The following FER variants were observed in gnomAD, a reference collection of about 807,000 sequenced individuals.
The protein encoded by FER is tyrosine-protein kinase Fer.
Under a neutral mutation model 111.0 loss-of-function variants are expected in FER, and 63 were observed. The ratio of observed to expected loss-of-function variants is 0.57; its 90% CI spans 0.46 to 0.70. The LOEUF is 0.70. Among genes scored for constraint, FER ranks in the 30% least tolerant of loss-of-function variants. FER has a pLI of 0.00. For missense variants in FER, 914 were observed against 954.0 expected, an observed-to-expected ratio of 0.96 and a Z score of 0.55; for synonymous variants, 327 against 313.9, an observed-to-expected ratio of 1.04 and a Z score of -0.44.
At chr5:109,053,155 G>T (rs1773081980) in intron 16 of FER, among the ~76,000 whole-genome samples, 1 of 152,088 alleles carries the variant, frequency 6.6e-6, no homozygotes, top group African/African-American at 2.4e-5. Flanking sequence ...GGAGGCCAGG[G>T]TGGGTGGATC....
At chr5:108,946,575 C>T (rs1320192796) in intron 11 of FER, among the ~76,000 whole-genome samples, 1 of 151,672 alleles carries the variant, frequency 6.6e-6, no homozygotes, top group Admixed American at 6.6e-5. Context: ...GAAACATAAC[C>T]TTTTTACAGT....
At chr5:109,097,276 G>A (rs551506680) in intron 16 of FER, among the ~76,000 whole-genome samples, 1 of 151,924 alleles carries the variant, frequency 6.6e-6, no homozygotes, top group African/African-American at 2.4e-5. Flanking sequence ...TAAGAACATT[G>A]TAAGTATTGT....
chr5:108,766,367 A>G (rs1377642649), intron 1 of FER, among the ~76,000 whole-genome samples: 2 of 152,236 alleles, frequency 1.3e-5, no homozygotes, highest in African/African-American at 2.4e-5. Flanking sequence ...AATTTCATTC[A>G]TTTGGTAGTC....
At chr5:109,055,790 CAAA>C (rs77291685) in intron 16 of FER, among the ~76,000 whole-genome samples, 5 of 72,454 alleles carry the variant, frequency 6.9e-5, no homozygotes, top group Admixed American at 5.2e-4. Context: ...AACCTTGTCT[CAAA>C]AAAAAAAAAA....
chr5:109,145,388 G>A (rs1263690295), intron 17 of FER, among the ~76,000 whole-genome samples: 3 of 151,306 alleles, frequency 2.0e-5, no homozygotes, highest in Non-Finnish European at 4.4e-5. Flanking sequence ...GAAGGAAAAG[G>A]ATGATTACAG....
At chr5:109,091,769 G>T (rs1746793837) in intron 16 of FER, among the ~76,000 whole-genome samples, 1 of 152,136 alleles carries the variant, frequency 6.6e-6, no homozygotes, top group African/African-American at 2.4e-5. Context: ...AAATGCTGTG[G>T]TTTGAATCAA....
chr5:108,977,944 C>T (rs1027077613), intron 13 of FER, among the ~76,000 whole-genome samples: 1 of 152,136 alleles, frequency 6.6e-6, no homozygotes, highest in African/African-American at 2.4e-5. Flanking sequence ...CTCCTGGGCC[C>T]AAGCGATCCT....
chr5:108,825,887 C>G (rs540677164), intron 3 of FER, among the ~76,000 whole-genome samples: 11 of 152,310 alleles, frequency 7.2e-5, no homozygotes, highest in Admixed American at 7.2e-4. Flanking sequence ...CTATTGTAGA[C>G]AGTCATACTT....
At chr5:108,848,479 CTAA>C (rs1348288868) in intron 5 of FER, among the ~76,000 whole-genome samples, 1 of 151,880 alleles carries the variant, frequency 6.6e-6, no homozygotes, top group Non-Finnish European at 1.5e-5. Flanking sequence ...TTTGTTAGCT[CTAA>C]TGTTTTATTT....
chr5:108,761,038 C>G (rs1441039916), intron 1 of FER, among the ~76,000 whole-genome samples: 1 of 151,982 alleles, frequency 6.6e-6, no homozygotes, highest in Non-Finnish European at 1.5e-5. Context: ...TCAAGCAATT[C>G]TCCTGCCTCA....
At chr5:109,017,934 T>C (rs1197786712) in intron 13 of FER, among the ~76,000 whole-genome samples, 1 of 151,934 alleles carries the variant, frequency 6.6e-6, no homozygotes, top group African/African-American at 2.4e-5. Flanking sequence ...TTGGGACTTC[T>C]ATAGTAACAA....
At chr5:109,049,177 C>T (rs1772401098) in intron 16 of FER, among the ~76,000 whole-genome samples, 1 of 152,170 alleles carries the variant, frequency 6.6e-6, no homozygotes, top group Non-Finnish European at 1.5e-5. Context: ...GTAATTATCA[C>T]AACCTGAGGG....
At chr5:109,014,110 G>A (rs1330015389) in intron 13 of FER, among the ~76,000 whole-genome samples, 8 of 150,572 alleles carry the variant, frequency 5.3e-5, no homozygotes, top group Admixed American at 5.3e-4. Flanking sequence ...GTCAATTTTG[G>A]CTTTTGTTGC....
chr5:109,039,975 AG>A (rs1426156616), intron 14 of FER, among the ~76,000 whole-genome samples: 4 of 152,130 alleles, frequency 2.6e-5, no homozygotes, highest in Non-Finnish European at 2.9e-5. Context: ...AGATGATAGC[AG>A]TGGTGGTGGT....
intron 17 of FER, among the ~76,000 whole-genome samples, chr5:109,143,083 C>T (rs979127418): frequency 1.3e-5 from 2 of 152,078 alleles, no homozygotes; most frequent in African/African-American, 4.8e-5. Context: ...TATGTTGAGT[C>T]ACATGTTCCT....
At chr5:108,748,518 G>A (rs1400599847) in intron 1 of FER, 1 of 152,372 alleles carries the variant, frequency 6.6e-6, no homozygotes, top group Non-Finnish European at 1.5e-5. Context: ...TGAGGCCTTC[G>A]TCCGTCTCCG....
intron 1 of FER, among the ~76,000 whole-genome samples, chr5:108,758,891 C>T (rs901712809): frequency 4.6e-5 from 7 of 152,168 alleles, no homozygotes; most frequent in Non-Finnish European, 8.8e-5. Flanking sequence ...TACATTTCCT[C>T]CTTTGTATAT....
chr5:109,040,762 A>G (rs891810091), intron 14 of FER, among the ~76,000 whole-genome samples: 2 of 152,124 alleles, frequency 1.3e-5, no homozygotes, highest in African/African-American at 2.4e-5. Context: ...ACTAGTTTGC[A>G]GTTGGGAATG....
chr5:108,773,071 G>A (rs1197578537), intron 2 of FER, among the ~76,000 whole-genome samples: 4 of 152,222 alleles, frequency 2.6e-5, no homozygotes, highest in East Asian at 1.9e-4. Context: ...GTGCTTTTGC[G>A]TTTCATAGAT....
Sources: allele counts gnomAD v4.1 joint callset (sites outside exome capture counted in the v4.1 genomes callset), GRCh38; gene constraint gnomAD v4.1.1; transcripts MANE v1.5; gene names NCBI Gene and HGNC (gene_info 2026-07-23, HGNC 2026-07-21).